NCBP3: variants seen among roughly 807,000 people sequenced by gnomAD.
The protein encoded by NCBP3 is nuclear cap-binding protein subunit 3.
NCBP3 carries 20 observed loss-of-function variants against 75.7 expected under a neutral mutation model. That is an observed-to-expected ratio of 0.26 (90% CI 0.19 to 0.38). The LOEUF (loss-of-function observed/expected upper bound fraction) is 0.38. NCBP3 is among the 10% of genes least tolerant of loss of function. The pLI is 1.00. For missense variants in NCBP3, 678 were observed against 796.9 expected (o/e 0.85, Z 1.80); for synonymous variants, 293 against 290.5 (o/e 1.01, Z -0.09).
Position 3,812,321 on chromosome 17 carries a change from ACC to A in NCBP3, c.*721_*722del. On this transcript the variant is annotated 3_prime_UTR_variant, in exon 13 of 13. Coordinates refer to ENST00000389005, the MANE Select transcript of NCBP3 (RefSeq NM_001114118.3). ...TTCTTCAACATTGACCCATAATCCC[ACC>A]CCAGCACAAAAATCAACCCCAAATC... The A allele has an allele frequency of 6.1e-6, 1 of 164,304 alleles. No homozygotes were observed. 10.2% of individuals were successfully genotyped at this position (164,304 alleles called of 1,614,324 possible).
chr17:3,823,588 T>G, intron 7 of NCBP3, among the ~76,000 whole-genome samples: 1 of 152,134 alleles, frequency 6.6e-6, no homozygotes, highest in Non-Finnish European at 1.5e-5. Context: ...TTTTAATCAT[T>G]TTTTTATTTT....
intron 11 of NCBP3, 69 bp downstream of exon 11, chr17:3,816,047 A>ACC: frequency 3.4e-6 from 5 of 1,483,064 alleles, no homozygotes; most frequent in Non-Finnish European, 4.6e-6. Context: ...TTACTCAGGA[A>ACC]CCTCTCTCTG....
chr17:3,822,078 TAGGATTTCCTGTGA>T (rs757097887), intron 7 of NCBP3, 26 bp from the exon 8 acceptor site: 16 of 1,440,708 alleles, frequency 1.1e-5, no homozygotes, highest in Admixed American at 7.1e-5. Flanking sequence ...AATAGTTACC[TAGGATTTCCTGTGA>T]GTGTAAAGAC....
rs977968461 is a variant in NCBP3, at chr17:3,812,477, C to A, written c.*567G>T. The stretch of plus-strand genomic sequence containing the variant: ...GGGAAGAACGGAAGCACAGTCAATG[C>A]TGCAGCTCTTATCTACCTGGGCGGC... On this transcript the variant is annotated 3_prime_UTR_variant, in exon 13 of 13. Coordinates refer to ENST00000389005, the MANE Select transcript of NCBP3 (RefSeq NM_001114118.3). 1.8e-5 allele frequency: 18 copies of A among 985,300 alleles called. No individual in the cohort carries two copies. Among genetic ancestry groups the A allele is most frequent in the Non-Finnish European group, 1.8e-5 (15 of 828,600 alleles). 61.0% of individuals were successfully genotyped at this position (985,300 alleles called of 1,614,324 possible).
At chr17:3,835,493 G>T (rs1407147814) in intron 3 of NCBP3, among the ~76,000 whole-genome samples, 1 of 152,282 alleles carries the variant, frequency 6.6e-6, no homozygotes, top group East Asian at 1.9e-4. Flanking sequence ...GAGCGAATGG[G>T]CAGCAAGCCT....
chr17:3,842,882 C>T (rs1376886795), intron 2 of NCBP3, among the ~76,000 whole-genome samples: 1 of 152,060 alleles, frequency 6.6e-6, no homozygotes, highest in Non-Finnish European at 1.5e-5. Flanking sequence ...TGGGCTTAAA[C>T]GATCCACTTG....
intron 3 of NCBP3, among the ~76,000 whole-genome samples, chr17:3,833,049 A>C (rs1008353737): frequency 3.9e-5 from 6 of 152,072 alleles, no homozygotes; most frequent in African/African-American, 1.4e-4. Flanking sequence ...CAGGAGTTCG[A>C]GAGGCCAGCC....
At chr17:3,814,986 C>T (rs575021708) in intron 11 of NCBP3, among the ~76,000 whole-genome samples, 1 of 152,314 alleles carries the variant, frequency 6.6e-6, no homozygotes, top group African/African-American at 2.4e-5. Context: ...ACAGCAACAA[C>T]AGAAACACAT....
chr17:3,836,590 T>C (rs990211037), intron 3 of NCBP3, among the ~76,000 whole-genome samples: 8 of 148,922 alleles, frequency 5.4e-5, no homozygotes, highest in African/African-American at 7.5e-5. Context: ...GAGGCGGAGG[T>C]TATAGTGAGC....
chr17:3,830,829 C>T (rs376806701), intron 3 of NCBP3, among the ~76,000 whole-genome samples: 9 of 152,220 alleles, frequency 5.9e-5, no homozygotes, highest in Middle Eastern at 3.4e-3. Context: ...GTGATCCACC[C>T]GCCTTGGCCT....
chr17:3,814,409 C>G lies in NCBP3; in HGVS notation c.1540G>C (p.Glu514Gln), dbSNP rs2053487660. 6.2e-7 allele frequency: 1 copy of G among 1,614,204 alleles called. No individual in the cohort carries two copies. The highest frequency in any genetic ancestry group is 8.5e-7 in the Non-Finnish European group (1 of 1,180,038). Residue 514 changes from glutamate to glutamine, a missense_variant, in exon 12 of 13, where the codon GAG becomes CAG. By Grantham distance (29) the Glu-to-Gln change is conservative. This residue lies in a region of NCBP3 where 365 missense variants were observed against 392.7 expected (regional missense o/e 0.93). Coordinates refer to ENST00000389005, the MANE Select transcript of NCBP3 (RefSeq NM_001114118.3). ...CTACTATGCACATCAGAAGAGGGCT[C>G]TCTCCGAACGACGGGGTTACTACTA... The part of the protein sequence containing the change: ...AFSSNPVVRR[E>Q]PSSDVHSRLG...
At chr17:3,845,263 A>G (rs955249162) in intron 1 of NCBP3, among the ~76,000 whole-genome samples, 3 of 152,150 alleles carry the variant, frequency 2.0e-5, no homozygotes, top group African/African-American at 7.2e-5. Flanking sequence ...CCATAACTTC[A>G]GTCTAAATAT....
At chr17:3,814,955 CTT>C (rs1304231480) in intron 11 of NCBP3, among the ~76,000 whole-genome samples, 1 of 152,170 alleles carries the variant, frequency 6.6e-6, no homozygotes, top group African/African-American at 2.4e-5. Flanking sequence ...GGCCTGTCCT[CTT>C]GAGTTCCCCC....
At position 3,832,556 on chromosome 17, in the gene NCBP3, G is replaced by A. The variant is rs1343148327; in HGVS notation, c.356-3188C>T. Reference sequence around the variant, plus strand: ...TGAGGCAGGAGAATCACTTGAACCCGGGAGGCGGAGGTTGCAGTGAGCCGA... The same window carrying A: ...TGAGGCAGGAGAATCACTTGAACCCAGGAGGCGGAGGTTGCAGTGAGCCGA... On this transcript the variant is annotated intron_variant, in intron 3 of 12. Transcript: ENST00000389005. Among the ~76,000 whole-genome samples the A allele has an allele frequency of 5.5e-5, 8 of 144,424 alleles. 1 individual carries two copies. Among genetic ancestry groups the A allele is most frequent in the South Asian group, 4.7e-4 (2 of 4,266 alleles). The allele number at this position is 144,424 out of a possible 152,430, so 94.7% of individuals were successfully genotyped here. A position where few individuals can be genotyped will look rare whatever the true frequency, so the allele number is the denominator to read the frequency against.
rs563235839 is a variant in NCBP3 at position 3,818,572 on chromosome 17, C to T, written c.1001G>A (p.Gly334Glu). 340 of 1,593,564 alleles carry T rather than the reference C, an allele frequency of 2.1e-4. 3 individuals are homozygous for T. The South Asian group carries it at 3.5e-3, about 16-fold the overall frequency. The change falls in exon 10 of 13, where the codon GGG (glycine) becomes GAG (glutamate). Residue 334 changes from glycine to glutamate, a missense_variant and splice_region_variant. By Grantham distance (98) the Gly-to-Glu change is moderately conservative. Transcript: ENST00000389005. This position sits in a 1 kb window ranked among gnomAD's most constrained non-coding sequence, Gnocchi z 4.7. ...GLTSYKHRHS[G>E]LVNVPEEPIE... ...GGGTTCCTCGGGAACATTCACTAGC[C>T]CTGAAGAAATTTAACCAGAAAACAT...
rs2053583277 is a variant in NCBP3, at chr17:3,818,149, C to T, written c.1310+114G>A. 1.1e-6 allele frequency: 1 copy of T among 902,848 alleles called. No homozygotes were observed. Among genetic ancestry groups the T allele is most frequent in the Non-Finnish European group, 1.6e-6 (1 of 623,194 alleles). The allele number at this position is 902,848 out of a possible 1,614,324, so 55.9% of individuals were successfully genotyped here. The stretch of plus-strand genomic sequence containing the variant: ...ACTGGATGCGTTTATTAAACTCCTA[C>T]AAGGGACTGAAATCAGAATAGATAA... On this transcript the variant is annotated intron_variant, in intron 10 of 12. Transcript: ENST00000389005. The surrounding 1 kb of genome is among the most constrained non-coding windows in gnomAD (Gnocchi z 4.7).
chr17:3,814,583 C>A, intron 11 of NCBP3, 100 bp from the exon 12 acceptor site: 1 of 1,229,862 alleles, frequency 8.1e-7, no homozygotes, highest in South Asian at 1.4e-5. Context: ...ACCCCTGCCC[C>A]GAGGACACAG....
Position 3,829,518 on chromosome 17 carries a change from A to G in NCBP3, c.356-150T>C, listed in dbSNP as rs1202234522. 7 of 881,906 alleles carry G rather than the reference A, an allele frequency of 7.9e-6. No homozygotes were observed. The African/African-American group carries it at 8.5e-5, about 11-fold the overall frequency. The allele number at this position is 881,906 out of a possible 1,614,324, so 54.6% of individuals were successfully genotyped here. Reference sequence around the variant, plus strand: ...TAATTATTTCAAAAGAGCACGAGACATAACAGTAAGGTAAACTATCTTAAT... The same window carrying G: ...TAATTATTTCAAAAGAGCACGAGACGTAACAGTAAGGTAAACTATCTTAAT... On this transcript the variant is annotated intron_variant, in intron 3 of 12. Transcript: ENST00000389005.
chr17:3,812,041 A>G lies in NCBP3; in HGVS notation c.*1003T>C, dbSNP rs963260698. ...ACAGGACCCCATCTCAGATGGATGGATTTTTTTTCCTACTGGAGCCAAAAA... is the reference window on the plus strand; with the variant it reads ...ACAGGACCCCATCTCAGATGGATGGGTTTTTTTTCCTACTGGAGCCAAAAA... On this transcript the variant is annotated 3_prime_UTR_variant, in exon 13 of 13. Transcript: ENST00000389005. The G allele has an allele frequency of 2.6e-5, 4 of 152,050 alleles. No homozygotes were observed. Among genetic ancestry groups the G allele is most frequent in the African/African-American group, 9.7e-5 (4 of 41,398 alleles). 9.4% of individuals were successfully genotyped at this position (152,050 alleles called of 1,614,324 possible). A position where few individuals can be genotyped will look rare whatever the true frequency, so the allele number is the denominator to read the frequency against.
Sources: gnomAD v4.1 joint callset for allele counts (sites outside exome capture counted in the v4.1 genomes callset) on GRCh38, gnomAD v4.1.1 for gene constraint, gnomAD v4.1.1 regional missense constraint, Gnocchi (gnomAD v3.1) non-coding constraint, MANE v1.5 for transcripts, NCBI Gene and HGNC (gene_info 2026-07-23, HGNC 2026-07-21) for gene names.